Variants in SFSWAP observed in about 807,000 individuals in gnomAD.
SFSWAP encodes splicing factor SWAP.
Under a neutral mutation model 100.7 loss-of-function variants are expected in SFSWAP, and 17 were observed. That is an observed-to-expected ratio of 0.17 (90% CI 0.12 to 0.25). The LOEUF (loss-of-function observed/expected upper bound fraction) is 0.25, where lower values mean the gene tolerates loss of function less well. Ranked by LOEUF, SFSWAP falls within the 10% of genes least tolerant of loss-of-function variation. The pLI, the probability that SFSWAP is intolerant of heterozygous loss-of-function variation, is 1.00. For missense variants in SFSWAP, 1,005 were observed against 1,262.6 expected, an observed-to-expected ratio of 0.80 and a Z score of 3.09; for synonymous variants, 504 against 510.1, an observed-to-expected ratio of 0.99 and a Z score of 0.16.
At chr12:131,763,833 A>T (rs982605057) in intron 11 of SFSWAP, among the ~76,000 whole-genome samples, 8 of 145,054 alleles carry the variant, frequency 5.5e-5, no homozygotes, top group African/African-American at 7.7e-5. Context: ...TTTTTTTTTT[A>T]AAGAAAAATG....
chr12:131,726,257 G>A lies in SFSWAP; in HGVS notation c.832+627G>A, dbSNP rs7956856. On this transcript the variant is annotated intron_variant, in intron 5 of 17. Coordinates refer to ENST00000261674, the MANE Select transcript of SFSWAP (RefSeq NM_004592.4). ...TCGCTCTTGTCGCCCAGGCTGGAGT[G>A]CAATGGCGTGAGCGCGATCTTGGCT... Among the ~76,000 whole-genome samples the A allele has an allele frequency of 6.1e-3, 932 of 151,966 alleles. 11 individuals are homozygous for A. The highest frequency in any genetic ancestry group is 0.021 in the African/African-American group (886 of 41,422).
intron 7 of SFSWAP, among the ~76,000 whole-genome samples, chr12:131,745,829 C>G (rs1014008360): frequency 7.7e-5 from 11 of 142,048 alleles, no homozygotes; most frequent in African/African-American, 2.6e-4. Context: ...GCCATGAAAA[C>G]AATTTATTCT....
chr12:131,793,610 A>G (rs183412930), intron 15 of SFSWAP, among the ~76,000 whole-genome samples: 20 of 152,278 alleles, frequency 1.3e-4, no homozygotes, highest in Admixed American at 1.3e-3. Context: ...AAAACCAATT[A>G]GACTTCATTG....
Position 131,753,914 on chromosome 12 carries a change from G to C in SFSWAP, c.1323-454G>C, listed in dbSNP as rs542316604. Among the ~76,000 whole-genome samples, 7 of 152,268 alleles carry C rather than the reference G, an allele frequency of 4.6e-5. No homozygotes were observed. In the South Asian group the frequency reaches 6.2e-4, roughly 14 times the overall value. ...GGCGCTTTACCAGTGGGCCTGGAAT[G>C]CCCTGCCTTGAAAGGAGACTCCTGG... On this transcript the variant is annotated intron_variant, in intron 8 of 17. Transcript: ENST00000261674.
At position 131,786,557 on chromosome 12, in the gene SFSWAP, C is replaced by G; in HGVS notation, c.2503C>G (p.Pro835Ala). The G allele has an allele frequency of 6.3e-7, 1 of 1,589,300 alleles. No homozygotes were observed. The highest frequency in any genetic ancestry group is 8.6e-7 in the Non-Finnish European group (1 of 1,168,864). ...CACTGCCTACCGCGTGAGCCGCAGCCCTGGGGCCAGTAGGAAGCGGACCCG... is the reference window on the plus strand; with the variant it reads ...CACTGCCTACCGCGTGAGCCGCAGCGCTGGGGCCAGTAGGAAGCGGACCCG... ...VPTAYRVSRS[P>A]GASRKRTRSR... The change falls in exon 15 of 18, where the codon CCT becomes GCT. Residue 835 changes from proline (P) to alanine (A), a missense_variant. Pro to Ala is a conservative substitution (Grantham distance 27). Coordinates refer to ENST00000261674, the MANE Select transcript of SFSWAP (RefSeq NM_004592.4).
chr12:131,760,171 G>GT lies in SFSWAP; in HGVS notation c.1720+3528dup, dbSNP rs559313604. On this transcript the variant is annotated intron_variant, in intron 11 of 17. Coordinates refer to ENST00000261674, the MANE Select transcript of SFSWAP (RefSeq NM_004592.4). ...AATAATCTTGGAGCTGGAAAGAAGT[G>GT]TCTTAAGAACTGAAGCTGTAAATCA... 3.4e-3 allele frequency among the ~76,000 whole-genome samples: 516 copies of GT among 152,336 alleles called. 2 individuals carry two copies. Among genetic ancestry groups the GT allele is most frequent in the Middle Eastern group, 0.014 (4 of 294 alleles).
At chr12:131,784,928 AT>A in intron 14 of SFSWAP, 1 of 534,162 alleles carries the variant, frequency 1.9e-6, no homozygotes, top group Non-Finnish European at 3.0e-6. Context: ...ATTTTTCCTG[AT>A]TATTGAGTTT....
intron 12 of SFSWAP, among the ~76,000 whole-genome samples, chr12:131,765,672 T>A (rs1247248931): frequency 6.6e-6 from 1 of 152,072 alleles, no homozygotes; most frequent in Non-Finnish European, 1.5e-5. Flanking sequence ...AAAAAGCCAT[T>A]TTTCAACCAC....
chr12:131,792,982 T>C (rs1885380036), intron 15 of SFSWAP, among the ~76,000 whole-genome samples: 1 of 151,720 alleles, frequency 6.6e-6, no homozygotes, highest in Non-Finnish European at 1.5e-5. Context: ...GAGGATACAA[T>C]AGAGCAGTGG....
At chr12:131,722,705 T>C (rs1878592812) in intron 4 of SFSWAP, among the ~76,000 whole-genome samples, 1 of 151,954 alleles carries the variant, frequency 6.6e-6, no homozygotes. Flanking sequence ...CCCAGCACTT[T>C]GGGAGGCCGA....
intron 15 of SFSWAP, chr12:131,796,333 A>G (rs1214617449): frequency 6.6e-6 from 1 of 152,454 alleles, no homozygotes; most frequent in East Asian, 1.9e-4. Flanking sequence ...GAATGAAGCT[A>G]GACCAGGTGG....
At chr12:131,786,619 G>T in intron 15 of SFSWAP, 31 bp downstream of exon 15, 1 of 1,572,766 alleles carries the variant, frequency 6.4e-7, no homozygotes, top group South Asian at 1.2e-5. Flanking sequence ...GCAGGTGCTG[G>T]ATGTGGGCCA....
chr12:131,783,289 T>C lies in SFSWAP; in HGVS notation c.2409-3174T>C, dbSNP rs146483395. Among the ~76,000 whole-genome samples, 1,248 of 152,270 alleles carry C rather than the reference T, an allele frequency of 8.2e-3. 7 individuals carry two copies. The highest frequency in any genetic ancestry group is 0.016 in the Admixed American group (245 of 15,296). On this transcript the variant is annotated intron_variant, in intron 14 of 17. Coordinates refer to ENST00000261674, the MANE Select transcript of SFSWAP (RefSeq NM_004592.4). Reference sequence around the variant, plus strand: ...TGTTAATGGAATGAAGAAGTACTCATGTAGTTCATTTACAACCTGAAATTA... The same window carrying C: ...TGTTAATGGAATGAAGAAGTACTCACGTAGTTCATTTACAACCTGAAATTA...
At chr12:131,737,181 C>T (rs2136202092) in intron 7 of SFSWAP, among the ~76,000 whole-genome samples, 1 of 152,142 alleles carries the variant, frequency 6.6e-6, no homozygotes, top group East Asian at 1.9e-4. Context: ...GGGCCACCCA[C>T]CGGAATGGCT....
At chr12:131,786,282 T>A (rs1321984562) in intron 14 of SFSWAP, among the ~76,000 whole-genome samples, 181 bp from the exon 15 acceptor site, 1 of 152,140 alleles carries the variant, frequency 6.6e-6, no homozygotes, top group Non-Finnish European at 1.5e-5. Context: ...CGGGTTTCAG[T>A]TCGTTGTCGG....
intron 7 of SFSWAP, among the ~76,000 whole-genome samples, chr12:131,749,964 G>A (rs1370324440): frequency 2.0e-5 from 3 of 152,236 alleles, no homozygotes; most frequent in Non-Finnish European, 2.9e-5. Flanking sequence ...AAGCTGAATA[G>A]GGGCCTCATG....
chr12:131,726,551 A>G (rs576259074), intron 5 of SFSWAP, among the ~76,000 whole-genome samples: 1 of 152,188 alleles, frequency 6.6e-6, no homozygotes, highest in Admixed American at 6.5e-5. Flanking sequence ...ATAAGTTTCA[A>G]ATCAGTTGTG....
At position 131,711,187 on chromosome 12, in the gene SFSWAP, C is replaced by T. The variant is rs1877284354; in HGVS notation, c.-43C>T. 8.1e-6 allele frequency: 12 copies of T among 1,483,592 alleles called. No individual in the cohort carries two copies. The highest frequency in any genetic ancestry group is 9.9e-6 in the Non-Finnish European group (11 of 1,107,004). The allele number at this position is 1,483,592 out of a possible 1,614,324, so 91.9% of individuals were successfully genotyped here. A position where few individuals can be genotyped will look rare whatever the true frequency, so the allele number is the denominator to read the frequency against. Reference sequence around the variant, plus strand: ...CCAAGTGGAGGTATCAGGGACGTCGCGCGGCACAGAAGAGGACCAGCCTGG... The same window carrying T: ...CCAAGTGGAGGTATCAGGGACGTCGTGCGGCACAGAAGAGGACCAGCCTGG... On this transcript the variant is annotated 5_prime_UTR_variant, in exon 1 of 18. Transcript: ENST00000261674. The surrounding 1 kb of genome is among the most constrained non-coding windows in gnomAD (Gnocchi z 4.9).
At chr12:131,759,382 A>G (rs1882453719) in intron 11 of SFSWAP, among the ~76,000 whole-genome samples, 1 of 152,228 alleles carries the variant, frequency 6.6e-6, no homozygotes, top group Non-Finnish European at 1.5e-5. Flanking sequence ...TGCCTACATC[A>G]TTAAAGCCAC....
Sources: allele counts gnomAD v4.1 joint callset (sites outside exome capture counted in the v4.1 genomes callset), GRCh38; gene constraint gnomAD v4.1.1; non-coding constraint Gnocchi (gnomAD v3.1); transcripts MANE v1.5; gene names NCBI Gene and HGNC (gene_info 2026-07-23, HGNC 2026-07-21).